Variants in SH2D4B observed in about 807,000 individuals in gnomAD.
SH2D4B encodes the protein SH2 domain-containing protein 4B.
A neutral mutation model predicts 61.5 loss-of-function variants in SH2D4B; 45 were observed. The observed-to-expected ratio is 0.73, with a 90% CI of 0.58 to 0.94. SH2D4B has a LOEUF of 0.94. SH2D4B is among the 40% of genes least tolerant of loss of function. The pLI, the probability that SH2D4B is intolerant of heterozygous loss-of-function variation, is 0.00. For synonymous variants in SH2D4B, 224 were observed against 220.4 expected (o/e 1.02, Z -0.14); for missense variants, 572 against 574.2 (o/e 1.00, Z 0.04).
chr10:80,579,946 T>A (rs1168598754), intron 3 of SH2D4B, among the ~76,000 whole-genome samples: 2 of 152,248 alleles, frequency 1.3e-5, no homozygotes, highest in African/African-American at 4.8e-5. Flanking sequence ...GTCTTCTCTT[T>A]ACCTGTTTGA....
chr10:80,583,562 C>T (rs7081555), intron 3 of SH2D4B, among the ~76,000 whole-genome samples: 40,350 of 150,788 alleles, frequency 0.27, 6,356 homozygotes, highest in African/African-American at 0.43. Context: ...TCCAGCTACT[C>T]GGGAGGCTAA....
chr10:80,594,526 C>T (rs530767425), intron 4 of SH2D4B, among the ~76,000 whole-genome samples: 8 of 152,280 alleles, frequency 5.3e-5, no homozygotes, highest in Admixed American at 2.0e-4. Context: ...GTTCATTCCT[C>T]TTCTATTTCT....
chr10:80,609,538 C>G lies in SH2D4B; in HGVS notation c.975C>G (p.Ala325=), dbSNP rs765178823. 7 of 1,614,094 alleles carry G rather than the reference C, an allele frequency of 4.3e-6. No individual in the cohort carries two copies. Among genetic ancestry groups the G allele is most frequent in the Non-Finnish European group, 5.9e-6 (7 of 1,180,038 alleles). The part of the protein sequence containing the change: ...AGFERNTKFI[A]PWFHGIISRE... ...TCGAGAGGAACACCAAGTTCATCGC[C>G]CCCTGGTTCCATGGTAGCACCATTT... The change falls in exon 6 of 8, where the codon GCC becomes GCG. Residue 325 remains alanine, a synonymous_variant. Transcript: ENST00000646907.
chr10:80,584,782 T>C (rs7100769), intron 3 of SH2D4B, among the ~76,000 whole-genome samples: 40,850 of 152,100 alleles, frequency 0.27, 6,425 homozygotes, highest in African/African-American at 0.43. Flanking sequence ...AAAAGTATGG[T>C]GTATGGATGT....
intron 1 of SH2D4B, among the ~76,000 whole-genome samples, chr10:80,552,272 G>C (rs925252045): frequency 2.0e-5 from 3 of 152,196 alleles, no homozygotes; most frequent in Non-Finnish European, 4.4e-5. Flanking sequence ...TTTCGGTGCA[G>C]TTTCCCTTTC....
At chr10:80,587,741 C>G (rs1273539176) in intron 3 of SH2D4B, among the ~76,000 whole-genome samples, 1 of 152,148 alleles carries the variant, frequency 6.6e-6, no homozygotes, top group East Asian at 1.9e-4. Context: ...TTCCCCGTCT[C>G]CCTGTCTCCC....
chr10:80,609,122 G>A (rs923501098), intron 5 of SH2D4B, among the ~76,000 whole-genome samples: 5 of 152,174 alleles, frequency 3.3e-5, no homozygotes, highest in Non-Finnish European at 7.4e-5. Context: ...CTGTGTGGCT[G>A]TTTTTTGAAG....
At chr10:80,597,426 G>A (rs1165109942) in intron 4 of SH2D4B, among the ~76,000 whole-genome samples, 1 of 152,234 alleles carries the variant, frequency 6.6e-6, no homozygotes, top group East Asian at 1.9e-4. Flanking sequence ...AGGACTTTGG[G>A]AGGCTGAGGC....
chr10:80,553,099 G>A (rs756360561), intron 1 of SH2D4B, among the ~76,000 whole-genome samples: 6 of 152,168 alleles, frequency 3.9e-5, no homozygotes, highest in Non-Finnish European at 7.3e-5. Context: ...ATATTTTTTA[G>A]TAGAGATGGG....
At chr10:80,607,117 CCTGCTTAGAAACTCT>C (rs1842528718) in intron 5 of SH2D4B, among the ~76,000 whole-genome samples, 2 of 152,038 alleles carry the variant, frequency 1.3e-5, no homozygotes, top group Admixed American at 1.3e-4. Context: ...AGTCAGATTC[CCTGCTTAGAAACTCT>C]CTGCTTAGAA....
At chr10:80,581,499 G>A (rs1020210265) in intron 3 of SH2D4B, among the ~76,000 whole-genome samples, 1 of 139,368 alleles carries the variant, frequency 7.2e-6, no homozygotes, top group Non-Finnish European at 1.5e-5. Flanking sequence ...GAGATCGAGT[G>A]GGTTAGACCC....
intron 1 of SH2D4B, among the ~76,000 whole-genome samples, chr10:80,540,316 G>A (rs985132930): frequency 6.6e-6 from 1 of 152,148 alleles, no homozygotes; most frequent in Non-Finnish European, 1.5e-5. Flanking sequence ...GGAGCCTGGG[G>A]GCTGGCCCTG....
Position 80,571,443 on chromosome 10 carries a change from G to A in SH2D4B, c.360G>A (p.Glu120=). 2 of 1,614,030 alleles carry A rather than the reference G, an allele frequency of 1.2e-6. No homozygotes were observed. Among genetic ancestry groups the A allele is most frequent in the East Asian group, 2.2e-5 (1 of 44,882 alleles). The change falls in exon 3 of 8, where the codon GAG becomes GAA. Residue 120 remains glutamate, a synonymous_variant. Coordinates refer to ENST00000646907, the MANE Select transcript of SH2D4B (RefSeq NM_001388272.1). ...REAEELWRQK[E]AEITKKFRDA... ...GCTCTCTTGGTAGGAGACAGAAGGAGGCAGAGATCACCAAGAAGTTCCGGG... is the reference window on the plus strand; with the variant it reads ...GCTCTCTTGGTAGGAGACAGAAGGAAGCAGAGATCACCAAGAAGTTCCGGG...
chr10:80,581,730 G>C (rs61411102), intron 3 of SH2D4B, among the ~76,000 whole-genome samples: 1 of 152,074 alleles, frequency 6.6e-6, no homozygotes, highest in African/African-American at 2.4e-5. Flanking sequence ...GTGGTACTTC[G>C]TTATGGCGGC....
chr10:80,626,619 G>A (rs1842769918), intron 6 of SH2D4B, among the ~76,000 whole-genome samples: 1 of 152,132 alleles, frequency 6.6e-6, no homozygotes, highest in African/African-American at 2.4e-5. Context: ...CCCCATGGGT[G>A]TGTCATGCCT....
chr10:80,591,599 C>G (rs1842328278), intron 4 of SH2D4B, among the ~76,000 whole-genome samples: 1 of 151,438 alleles, frequency 6.6e-6, no homozygotes, highest in East Asian at 2.0e-4. Flanking sequence ...CTCTCCCTCC[C>G]AGGCTCAAGC....
At chr10:80,558,258 A>G (rs1841862713) in intron 1 of SH2D4B, among the ~76,000 whole-genome samples, 1 of 152,030 alleles carries the variant, frequency 6.6e-6, no homozygotes, top group South Asian at 2.1e-4. Flanking sequence ...AATAGCTGAG[A>G]ATCCTATCTA....
intron 1 of SH2D4B, among the ~76,000 whole-genome samples, chr10:80,564,764 T>G (rs2132114400): frequency 6.6e-6 from 1 of 152,374 alleles, no homozygotes; most frequent in South Asian, 2.1e-4. Context: ...TATTGATATC[T>G]CCAGCCTCTT....
In SH2D4B at chr10:80,644,315, T is replaced by G. The variant is rs529137499; in HGVS notation, c.*230T>G. ...TCATGCAACTCTTTCATGAAGAGCT[T>G]AGCTATGACCTTAGAAGACAAAGCC... On this transcript the variant is annotated 3_prime_UTR_variant, in exon 8 of 8. Coordinates refer to ENST00000646907, the MANE Select transcript of SH2D4B (RefSeq NM_001388272.1). 6 of 502,220 alleles carry G rather than the reference T, an allele frequency of 1.2e-5. No homozygotes were observed. The South Asian group carries it at 1.5e-4, about 13-fold the overall frequency. 31.1% of individuals were successfully genotyped at this position (502,220 alleles called of 1,614,324 possible). A position where few individuals can be genotyped will look rare whatever the true frequency, so the allele number is the denominator to read the frequency against.
Sources: gnomAD v4.1 joint callset for allele counts (sites outside exome capture counted in the v4.1 genomes callset) on GRCh38, gnomAD v4.1.1 for gene constraint, MANE v1.5 for transcripts, NCBI Gene and HGNC (gene_info 2026-07-23, HGNC 2026-07-21) for gene names.